The following DOK6 variants were observed in gnomAD, a reference collection of about 807,000 sequenced individuals.
DOK6 encodes the protein docking protein 6.
Under a neutral mutation model 44.0 loss-of-function variants are expected in DOK6, and 22 were observed. The ratio of observed to expected loss-of-function variants is 0.50; its 90% CI spans 0.36 to 0.71. The LOEUF (loss-of-function observed/expected upper bound fraction) is 0.71. Ranked by LOEUF, DOK6 falls within the 30% of genes least tolerant of loss-of-function variation. DOK6 has a pLI of 0.00. For synonymous variants in DOK6, 166 were observed against 145.5 expected, an observed-to-expected ratio of 1.14 and a Z score of -1.01; for missense variants, 340 against 416.4, an observed-to-expected ratio of 0.82 and a Z score of 1.60.
chr18:69,466,065 C>T (rs556781048), intron 1 of DOK6, among the ~76,000 whole-genome samples: 1 of 152,116 alleles, frequency 6.6e-6, no homozygotes, highest in Non-Finnish European at 1.5e-5. Context: ...GGTAAGTATA[C>T]ATTATTATTA....
At chr18:69,686,946 A>C (rs1986166884) in intron 4 of DOK6, among the ~76,000 whole-genome samples, 1 of 152,202 alleles carries the variant, frequency 6.6e-6, no homozygotes, top group Admixed American at 6.5e-5. Flanking sequence ...CCAATACATA[A>C]ACTTTAGTTC....
At chr18:69,804,825 C>T (rs1163566014) in intron 7 of DOK6, among the ~76,000 whole-genome samples, 1 of 152,094 alleles carries the variant, frequency 6.6e-6, no homozygotes, top group Admixed American at 6.6e-5. Flanking sequence ...GTTCTGCAGC[C>T]TCAGTTATGG....
At chr18:69,717,093 G>A (rs1043227929) in intron 5 of DOK6, among the ~76,000 whole-genome samples, 34 of 152,062 alleles carry the variant, frequency 2.2e-4, no homozygotes, top group African/African-American at 5.8e-4. Flanking sequence ...TATTTTAGTC[G>A]ATTGCTTTAT....
At chr18:69,519,829 A>G (rs1050536159) in intron 1 of DOK6, among the ~76,000 whole-genome samples, 1 of 151,912 alleles carries the variant, frequency 6.6e-6, no homozygotes, top group African/African-American at 2.4e-5. Context: ...AAATAATGGC[A>G]TTAATACTCA....
At chr18:69,824,243 T>C (rs1264563565) in intron 7 of DOK6, among the ~76,000 whole-genome samples, 2 of 135,190 alleles carry the variant, frequency 1.5e-5, no homozygotes, top group Non-Finnish European at 3.1e-5. Context: ...CCCCTTCCTG[T>C]GTCCATGTGT....
chr18:69,464,026 A>G (rs1979860458), intron 1 of DOK6, among the ~76,000 whole-genome samples: 2 of 152,164 alleles, frequency 1.3e-5, no homozygotes, highest in African/African-American at 4.8e-5. Context: ...AGCATTCTGA[A>G]CTCTACACCT....
In DOK6 at chr18:69,549,021, G is replaced by T. The variant is rs143290788; in HGVS notation, c.67-15466G>T. 4.6e-5 allele frequency among the ~76,000 whole-genome samples: 7 copies of T among 150,600 alleles called. 1 individual carries two copies. In the East Asian group the frequency reaches 1.2e-3, roughly 25 times the overall value. ...GAGGCAGGAGAATGGCGTGAACCCCGGGTGACGGAGCCTGCAGTGAGCCAA... is the reference window on the plus strand; with the variant it reads ...GAGGCAGGAGAATGGCGTGAACCCCTGGTGACGGAGCCTGCAGTGAGCCAA... On this transcript the variant is annotated intron_variant, in intron 1 of 7. Transcript: ENST00000382713.
At chr18:69,831,852 T>C (rs1981910870) in intron 7 of DOK6, among the ~76,000 whole-genome samples, 1 of 152,206 alleles carries the variant, frequency 6.6e-6, no homozygotes, top group Admixed American at 6.5e-5. Context: ...AGTCCTAGTA[T>C]TGCTAAGCAT....
chr18:69,537,750 A>C (rs1023247065), intron 1 of DOK6, among the ~76,000 whole-genome samples: 2 of 152,186 alleles, frequency 1.3e-5, no homozygotes, highest in African/African-American at 4.8e-5. Flanking sequence ...TTTCAAAGGT[A>C]TCATCAATAG....
chr18:69,469,506 T>A lies in DOK6; in HGVS notation c.66+68196T>A, dbSNP rs879218769. On this transcript the variant is annotated intron_variant, in intron 1 of 7. Transcript: ENST00000382713. ...GATCTATAACCTTCGCCGGGAGTGA[T>A]CTGCCGCCACTAGGGCGCAGCAGAT... is the stretch of plus-strand genomic sequence containing the variant. 6.5e-5 allele frequency: 10 copies of A among 154,040 alleles called. No individual in the cohort carries two copies. The South Asian group carries it at 2.0e-3, about 31-fold the overall frequency. The allele number at this position is 154,040 out of a possible 1,614,324, so 9.5% of individuals were successfully genotyped here. A position where few individuals can be genotyped will look rare whatever the true frequency, so the allele number is the denominator to read the frequency against.
chr18:69,452,042 A>G (rs1217708158), intron 1 of DOK6, among the ~76,000 whole-genome samples: 3 of 150,852 alleles, frequency 2.0e-5, no homozygotes, highest in Non-Finnish European at 4.4e-5. Context: ...AGCTAGCAGA[A>G]GGCAATAAAT....
chr18:69,616,834 A>G (rs1452654749), intron 3 of DOK6, among the ~76,000 whole-genome samples: 1 of 152,182 alleles, frequency 6.6e-6, no homozygotes, highest in Non-Finnish European at 1.5e-5. Context: ...AGACTTTTTG[A>G]AATCTTTGTA....
chr18:69,593,227 T>C (rs1423967065), intron 2 of DOK6, among the ~76,000 whole-genome samples: 2 of 151,894 alleles, frequency 1.3e-5, no homozygotes, highest in Non-Finnish European at 2.9e-5. Context: ...AAAAAATTAG[T>C]TGGGCATGGT....
chr18:69,779,736 G>T (rs1244885956), intron 7 of DOK6, among the ~76,000 whole-genome samples: 2 of 151,670 alleles, frequency 1.3e-5, no homozygotes, highest in African/African-American at 2.4e-5. Flanking sequence ...GTGTGTATTT[G>T]TGTGTTCTTA....
intron 1 of DOK6, among the ~76,000 whole-genome samples, chr18:69,441,179 G>A (rs993603597): frequency 6.6e-6 from 1 of 151,982 alleles, no homozygotes; most frequent in African/African-American, 2.4e-5. Context: ...ATGAATACCA[G>A]ATGAAGTTAA....
At chr18:69,744,159 A>G (rs1347113079) in intron 6 of DOK6, among the ~76,000 whole-genome samples, 1 of 152,020 alleles carries the variant, frequency 6.6e-6, no homozygotes, top group African/African-American at 2.4e-5. Flanking sequence ...AAAAATACAA[A>G]AATTAGCTGG....
At position 69,841,232 on chromosome 18, in the gene DOK6, C is replaced by T. The variant is rs781433587; in HGVS notation, c.857-12C>T. On this transcript the variant is annotated splice_polypyrimidine_tract_variant and intron_variant, in intron 7 of 7. Transcript: ENST00000382713. The stretch of plus-strand genomic sequence containing the variant: ...CTGTTTCTCAGTAGAGCTCTCCTTT[C>T]TTCCTCTCTAGGTCATGGGTTTGGT... The T allele has an allele frequency of 7.4e-6, 12 of 1,614,164 alleles. No individual in the cohort carries two copies. In the South Asian group the frequency reaches 1.2e-4, roughly 16 times the overall value.
At chr18:69,505,655 G>A (rs1467060694) in intron 1 of DOK6, among the ~76,000 whole-genome samples, 1 of 151,376 alleles carries the variant, frequency 6.6e-6, no homozygotes, top group African/African-American at 2.4e-5. Flanking sequence ...CCACCACCAC[G>A]CCAAGCTAAT....
At chr18:69,478,879 A>C (rs1275070042) in intron 1 of DOK6, among the ~76,000 whole-genome samples, 8 of 152,196 alleles carry the variant, frequency 5.3e-5, no homozygotes, top group Admixed American at 5.2e-4. Flanking sequence ...TGATACAAAA[A>C]TGCACTGAAT....
Sources: allele counts gnomAD v4.1 joint callset (sites outside exome capture counted in the v4.1 genomes callset), GRCh38; gene constraint gnomAD v4.1.1; transcripts MANE v1.5; gene names NCBI Gene and HGNC (gene_info 2026-07-23, HGNC 2026-07-21).